The following LARGE1 variants were observed in gnomAD, a reference collection of about 807,000 sequenced individuals.
LARGE1 encodes LARGE xylosyl- and glucuronyltransferase 1.
In LARGE1, 43 loss-of-function variants were observed where a neutral mutation model predicts 87.6. The ratio of observed to expected loss-of-function variants is 0.49; its 90% CI spans 0.38 to 0.63. The LOEUF (loss-of-function observed/expected upper bound fraction) is 0.63. Ranked by LOEUF, LARGE1 falls within the 30% of genes least tolerant of loss-of-function variation. The probability of loss-of-function intolerance (pLI) is 0.00; values close to 1 mark genes in which losing one functional copy is unlikely to be tolerated. For synonymous variants in LARGE1, 434 were observed against 394.6 expected (o/e 1.10, Z -1.18); for missense variants, 802 against 1,000.2 (o/e 0.80, Z 2.67).
intron 2 of LARGE1, among the ~76,000 whole-genome samples, chr22:33,672,738 C>A (rs1569359833): frequency 6.6e-6 from 1 of 152,256 alleles, no homozygotes; most frequent in East Asian, 1.9e-4. Flanking sequence ...AGCTTAAGAA[C>A]CAAAGGAGTT....
At chr22:33,889,647 G>A (rs1601857981) in intron 1 of LARGE1, among the ~76,000 whole-genome samples, 2 of 152,122 alleles carry the variant, frequency 1.3e-5, no homozygotes, top group South Asian at 2.1e-4. Context: ...AGGGGGTCCC[G>A]GAGGGGCTCA....
intron 2 of LARGE1, among the ~76,000 whole-genome samples, chr22:33,723,574 A>G (rs2083174179): frequency 6.6e-6 from 1 of 152,208 alleles, no homozygotes; most frequent in Admixed American, 6.5e-5. Flanking sequence ...TAAGGCTCAT[A>G]TGAAGTTAAT....
chr22:33,536,742 G>A (rs546314362), intron 6 of LARGE1, among the ~76,000 whole-genome samples: 8 of 152,312 alleles, frequency 5.3e-5, no homozygotes, highest in Admixed American at 2.6e-4. Flanking sequence ...ATCTATCCCC[G>A]TTTTCACACA....
chr22:33,279,327 G>T (rs1187820431), intron 13 of LARGE1, among the ~76,000 whole-genome samples: 2 of 152,218 alleles, frequency 1.3e-5, no homozygotes, highest in Non-Finnish European at 2.9e-5. Context: ...ATAGCTGCAG[G>T]GAGAGAGGAA....
At chr22:33,504,813 A>G (rs1001114053) in intron 6 of LARGE1, among the ~76,000 whole-genome samples, 1 of 152,240 alleles carries the variant, frequency 6.6e-6, no homozygotes, top group African/African-American at 2.4e-5. Context: ...AAAAAATAAC[A>G]TAGTAGTTAA....
chr22:33,422,598 C>T (rs1287371081), intron 7 of LARGE1, among the ~76,000 whole-genome samples: 1 of 151,442 alleles, frequency 6.6e-6, no homozygotes, highest in Non-Finnish European at 1.5e-5. Context: ...CAACCTCCAA[C>T]TCCTTGGTTT....
intron 6 of LARGE1, among the ~76,000 whole-genome samples, chr22:33,493,469 G>T (rs1188301018): frequency 6.6e-6 from 1 of 152,056 alleles, no homozygotes; most frequent in Non-Finnish European, 1.5e-5. Flanking sequence ...CCTGAGCATG[G>T]AATTTTTTAA....
chr22:33,274,710 GTGAA>G (rs1042905627), intron 14 of LARGE1, 86 bp from the exon 15 acceptor site: 2 of 1,173,478 alleles, frequency 1.7e-6, no homozygotes, highest in East Asian at 2.4e-5. Context: ...TGAATGGCTA[GTGAA>G]TGAATGACTT....
intron 1 of LARGE1, among the ~76,000 whole-genome samples, chr22:33,828,291 G>A (rs1391010242): frequency 2.0e-5 from 3 of 152,244 alleles, no homozygotes; most frequent in Non-Finnish European, 4.4e-5. Context: ...TGACACAGGT[G>A]ATTGGATGGG....
At chr22:33,652,813 A>C (rs764549073) in intron 2 of LARGE1, among the ~76,000 whole-genome samples, 1 of 152,168 alleles carries the variant, frequency 6.6e-6, no homozygotes, top group Non-Finnish European at 1.5e-5. Flanking sequence ...GCCTTAACAA[A>C]TATGACTCAT....
intron 11 of LARGE1, among the ~76,000 whole-genome samples, chr22:33,306,387 A>G (rs1028816132): frequency 2.0e-5 from 3 of 152,160 alleles, no homozygotes; most frequent in Admixed American, 2.0e-4. Flanking sequence ...TCTAGCATGT[A>G]GACATGAGAC....
the LARGE1 span, among the ~76,000 whole-genome samples, chr22:33,150,243 CAT>C: frequency 6.6e-6 from 1 of 152,146 alleles, no homozygotes; most frequent in Admixed American, 6.5e-5. Flanking sequence ...TTTTCCCACA[CAT>C]AGTTATATTT....
chr22:33,097,611 A>G, the LARGE1 span, among the ~76,000 whole-genome samples: 1 of 152,222 alleles, frequency 6.6e-6, no homozygotes, highest in Non-Finnish European at 1.5e-5. Context: ...TTTCCAAGAT[A>G]ATTAGCTCCC....
chr22:33,298,753 C>A (rs1474612193), intron 12 of LARGE1, among the ~76,000 whole-genome samples: 2 of 152,112 alleles, frequency 1.3e-5, no homozygotes, highest in Non-Finnish European at 2.9e-5. Context: ...ATTGCTTGAG[C>A]CCAGGAGTTT....
At chr22:33,519,996 CTCTTT>C (rs1012983657) in intron 6 of LARGE1, among the ~76,000 whole-genome samples, 2 of 138,856 alleles carry the variant, frequency 1.4e-5, no homozygotes, top group African/African-American at 5.4e-5. Context: ...AGTGGTTTTT[CTCTTT>C]TTTTTTTTTT....
rs12157975 is a variant in LARGE1 at position 33,302,528 on chromosome 22, G to A, written c.1730+1701C>T. On this transcript the variant is annotated intron_variant, in intron 12 of 14. Transcript: ENST00000397394. ...GCTGCCTGACCTTGCTCCAGACAGCGCAGGGCACGGAGGGTATGCAGGCTA... is the reference window on the plus strand; with the variant it reads ...GCTGCCTGACCTTGCTCCAGACAGCACAGGGCACGGAGGGTATGCAGGCTA... 1.0e-3 allele frequency among the ~76,000 whole-genome samples: 154 copies of A among 152,274 alleles called. 1 individual carries two copies. The highest frequency in any genetic ancestry group is 3.4e-3 in the African/African-American group (143 of 41,548).
At chr22:33,856,481 C>A (rs2063758701) in intron 1 of LARGE1, among the ~76,000 whole-genome samples, 1 of 152,142 alleles carries the variant, frequency 6.6e-6, no homozygotes, top group African/African-American at 2.4e-5. Flanking sequence ...AGGGGAAATC[C>A]CACCAGAACT....
intron 5 of LARGE1, among the ~76,000 whole-genome samples, chr22:33,572,480 C>G (rs1055981216): frequency 2.0e-5 from 3 of 151,898 alleles, no homozygotes; most frequent in Non-Finnish European, 4.4e-5. Context: ...CTCAAGCTCC[C>G]CACCCATAAA....
At chr22:33,836,960 G>GGGC (rs1368169052) in intron 1 of LARGE1, among the ~76,000 whole-genome samples, 1 of 152,092 alleles carries the variant, frequency 6.6e-6, no homozygotes, top group Admixed American at 6.6e-5. Context: ...AAAGGGAGAT[G>GGGC]GGTCGTGCAT....
Sources: gnomAD v4.1 joint callset for allele counts (sites outside exome capture counted in the v4.1 genomes callset) on GRCh38, gnomAD v4.1.1 for gene constraint, MANE v1.5 for transcripts, NCBI Gene and HGNC (gene_info 2026-07-23, HGNC 2026-07-21) for gene names.